The following SFXN2 variants were observed in gnomAD, a reference collection of about 807,000 sequenced individuals.
SFXN2 encodes sideroflexin 2.
In SFXN2, 37 loss-of-function variants were observed where a neutral mutation model predicts 41.9. The observed-to-expected ratio is 0.88, with a 90% CI of 0.68 to 1.16. The LOEUF is 1.16. Ranked by LOEUF, SFXN2 falls within the 50% of genes most tolerant of loss-of-function variation. SFXN2 has a pLI of 0.00. For synonymous variants in SFXN2, 150 were observed against 156.7 expected (o/e 0.96, Z 0.32); for missense variants, 386 against 425.2 (o/e 0.91, Z 0.81).
intron 1 of SFXN2, among the ~76,000 whole-genome samples, chr10:102,719,911 G>A (rs1173109074): frequency 6.6e-6 from 1 of 152,178 alleles, no homozygotes; most frequent in Admixed American, 6.5e-5. Context: ...AGGACAAATA[G>A]GTACTATTTA....
At chr10:102,727,806 G>A (rs1171337624) in intron 3 of SFXN2, 1 of 154,238 alleles carries the variant, frequency 6.5e-6, no homozygotes, top group Non-Finnish European at 1.4e-5. Context: ...GTGGTAGGTT[G>A]GAGGAAGAAC....
intron 7 of SFXN2, 34 bp from the exon 8 acceptor site, chr10:102,732,118 T>A: frequency 6.2e-7 from 1 of 1,600,548 alleles, no homozygotes; most frequent in Non-Finnish European, 8.5e-7. Context: ...ACTGGATACA[T>A]CATTTCTGAC....
chr10:102,714,809 A>G, intron 1 of SFXN2, 128 bp downstream of exon 1: 1 of 154,128 alleles, frequency 6.5e-6, no homozygotes, highest in Non-Finnish European at 1.4e-5. Context: ...CCACCTGCAG[A>G]AGCCACGTGG....
At chr10:102,728,386 G>A (rs1401045202) in intron 3 of SFXN2, 45 bp from the exon 4 acceptor site, 1 of 1,524,984 alleles carries the variant, frequency 6.6e-7, no homozygotes, top group Non-Finnish European at 9.1e-7. Flanking sequence ...AGGACTCCCT[G>A]CCATCTGACT....
At position 102,726,967 on chromosome 10, in the gene SFXN2, C is replaced by A. The variant is rs769965615; in HGVS notation, c.162-20C>A. The A allele has an allele frequency of 2.1e-5, 34 of 1,590,084 alleles. 1 individual carries two copies. The Admixed American group carries it at 3.7e-4, about 17-fold the overall frequency. On this transcript the variant is annotated intron_variant, in intron 2 of 11. Coordinates refer to ENST00000369893, the MANE Select transcript of SFXN2 (RefSeq NM_178858.6). The stretch of plus-strand genomic sequence containing the variant: ...ATTGATCAGGCAGGATGGTGACTGC[C>A]TGCTGTCCTTGGGTGGCAGGATGGG...
chr10:102,722,731 T>C (rs1410146111), intron 1 of SFXN2, among the ~76,000 whole-genome samples: 1 of 151,642 alleles, frequency 6.6e-6, no homozygotes, highest in Non-Finnish European at 1.5e-5. Context: ...TTAATTTTTA[T>C]AGAGACAGGG....
At chr10:102,735,783 C>A in intron 10 of SFXN2, 79 bp from the exon 11 acceptor site, 1 of 1,483,974 alleles carries the variant, frequency 6.7e-7, no homozygotes, top group Non-Finnish European at 9.4e-7. Context: ...CTGGGCATTG[C>A]TCCTTTCCCT....
intron 1 of SFXN2, among the ~76,000 whole-genome samples, chr10:102,718,711 T>A (rs150853321): frequency 1.3e-5 from 2 of 152,162 alleles, no homozygotes; most frequent in East Asian, 3.9e-4. Context: ...CATATCAGCT[T>A]CCTGATGTCT....
intron 5 of SFXN2, 110 bp downstream of exon 5, chr10:102,729,504 C>G (rs2064667617): frequency 7.5e-7 from 1 of 1,341,430 alleles, no homozygotes. Flanking sequence ...TTGGGAATGG[C>G]CAGAGCCCGG....
chr10:102,735,872 A>G lies in SFXN2; in HGVS notation c.832A>G (p.Met278Val), dbSNP rs977286572. 1 of 1,614,056 alleles carries G rather than the reference A, an allele frequency of 6.2e-7. No individual in the cohort carries two copies. The highest frequency in any genetic ancestry group is 8.5e-7 in the Non-Finnish European group (1 of 1,180,014). Residue 278 changes from methionine (M) to valine (V), a missense_variant, in exon 11 of 12, where the codon ATG (methionine) becomes GTG (valine). By Grantham distance (21) the Met-to-Val change is conservative. Coordinates refer to ENST00000369893, the MANE Select transcript of SFXN2 (RefSeq NM_178858.6). The stretch of plus-strand genomic sequence containing the variant: ...TCTCCTTTCTTGCAGCCTCATCTTC[A>G]TGGTGCCAGTGGCGTGTGGGCTTTT... ...VMLSGCFLIF[M>V]VPVACGLFPQ...
intron 11 of SFXN2, among the ~76,000 whole-genome samples, chr10:102,736,341 T>G (rs113446108): frequency 1.8e-4 from 27 of 151,708 alleles, no homozygotes; most frequent in Admixed American, 4.6e-4. Context: ...CACCACAGCC[T>G]CCGCCTCCCA....
intron 3 of SFXN2, 68 bp downstream of exon 3, chr10:102,727,225 T>A: frequency 6.7e-7 from 1 of 1,489,240 alleles, no homozygotes. Context: ...AGCCATACTA[T>A]GATAATAATA....
chr10:102,720,370 G>A (rs950756413), intron 1 of SFXN2, among the ~76,000 whole-genome samples: 1 of 151,076 alleles, frequency 6.6e-6, no homozygotes, highest in African/African-American at 2.4e-5. Flanking sequence ...AGCACTTTGG[G>A]AGGCTGAGGC....
At chr10:102,724,394 T>A (rs765729030) in intron 1 of SFXN2, among the ~76,000 whole-genome samples, 17 of 152,210 alleles carry the variant, frequency 1.1e-4, no homozygotes, top group Non-Finnish European at 1.8e-4. Context: ...TTCCAACATT[T>A]CCTTTTGATT....
In SFXN2 at chr10:102,735,923, A is replaced by G. The variant is rs774240735; in HGVS notation, c.869+14A>G. 5.6e-6 allele frequency: 9 copies of G among 1,613,718 alleles called. No individual in the cohort carries two copies. The East Asian group carries it at 2.0e-4, about 36-fold the overall frequency. ...CCCACAGAAATGGTATCTGCTGTTC[A>G]TTCCTTACTTGGTTTAATTGACCAT... On this transcript the variant is annotated intron_variant, in intron 11 of 11. Transcript: ENST00000369893.
chr10:102,729,277 C>T, intron 4 of SFXN2, 42 bp from the exon 5 acceptor site: 2 of 1,602,438 alleles, frequency 1.2e-6, no homozygotes. Flanking sequence ...TGGCCCTCAG[C>T]CGGCAGGGGC....
At chr10:102,733,502 C>T in intron 9 of SFXN2, 52 bp from the exon 10 acceptor site, 1 of 1,494,746 alleles carries the variant, frequency 6.7e-7, no homozygotes, top group Admixed American at 1.7e-5. Flanking sequence ...TGGGGTTCAC[C>T]TTAAGGCATA....
Position 102,729,748 on chromosome 10 carries a change from G to A in SFXN2, c.533G>A (p.Trp178Ter), listed in dbSNP as rs1347749623. 7 of 1,613,908 alleles carry A rather than the reference G, an allele frequency of 4.3e-6. No homozygotes were observed. In the African/African-American group the frequency reaches 9.3e-5, roughly 22 times the overall value. Residue 178 changes from tryptophan to a stop codon, truncating the protein, a stop_gained, in exon 6 of 12, where the codon TGG (tryptophan) becomes TAG (stop). Coordinates refer to ENST00000369893, the MANE Select transcript of SFXN2 (RefSeq NM_178858.6). LOFTEE classifies it high-confidence loss of function. Reference sequence around the variant, plus strand: ...AAAGCGCCGCCCTTGGTGGGCCGCTGGGTGCCCTTTGCCGCTGTGGCTGCG... The same window carrying A: ...AAAGCGCCGCCCTTGGTGGGCCGCTAGGTGCCCTTTGCCGCTGTGGCTGCG... ...TKKAPPLVGR[W>*]VPFAAVAAAN...
intron 3 of SFXN2, among the ~76,000 whole-genome samples, chr10:102,727,370 A>T (rs1211093293): frequency 6.6e-6 from 1 of 152,220 alleles, no homozygotes; most frequent in African/African-American, 2.4e-5. Context: ...GAAGAACTAG[A>T]GTTCTAGAGA....
Sources: gnomAD v4.1 joint callset for allele counts (sites outside exome capture counted in the v4.1 genomes callset) on GRCh38, gnomAD v4.1.1 for gene constraint, MANE v1.5 for transcripts, NCBI Gene and HGNC (gene_info 2026-07-23, HGNC 2026-07-21) for gene names.